LY6G6F: variants seen among roughly 807,000 people sequenced by gnomAD.
LY6G6F encodes lymphocyte antigen 6 complex locus protein G6f.
A neutral mutation model predicts 33.0 loss-of-function variants in LY6G6F; 26 were observed. That is an observed-to-expected ratio of 0.79 (90% confidence interval 0.58 to 1.09). The LOEUF (loss-of-function observed/expected upper bound fraction) is 1.09, where lower values mean the gene tolerates loss of function less well. Among genes scored for constraint, LY6G6F ranks in the 50% least tolerant of loss-of-function variants. LY6G6F has a pLI of 0.00. For missense variants in LY6G6F, 317 were observed against 372.0 expected (o/e 0.85, Z 1.22); for synonymous variants, 132 against 148.1 (o/e 0.89, Z 0.79).
At position 31,710,261 on chromosome 6, in the gene LY6G6F, C is replaced by G. The variant is rs1805937255; in HGVS notation, c.802+80C>G. On this transcript the variant is annotated intron_variant, in intron 4 of 5. Transcript: ENST00000375832. The surrounding 1 kb of genome is among the most constrained non-coding windows in gnomAD (Gnocchi z 4.7). ...GCTAGGCTCACACCCCGCCTCTGTA[C>G]CCCACCTCCTCTAGGGGAGGGGGCG... is the stretch of plus-strand genomic sequence containing the variant. 2 of 1,612,086 alleles carry G rather than the reference C, an allele frequency of 1.2e-6. No homozygotes were observed. The highest frequency in any genetic ancestry group is 1.3e-5 in the African/African-American group (1 of 74,888).
intron 3 of LY6G6F, among the ~76,000 whole-genome samples, chr6:31,708,926 C>CA (rs28383871): frequency 3.6e-4 from 54 of 149,876 alleles, no homozygotes; most frequent in East Asian, 3.1e-3. Flanking sequence ...AGCTCTATCT[C>CA]AAAAAAAAAA....
rs896446606 is a variant in LY6G6F, at chr6:31,708,210, C to T, written c.646+76C>T. On this transcript the variant is annotated intron_variant, in intron 3 of 5. Coordinates refer to ENST00000375832, the MANE Select transcript of LY6G6F (RefSeq NM_001003693.3). ...AAGTAGCTGGAATTACAGGCGCCCG[C>T]CACCATGCCTGGATAATTTTTTGTA... The T allele has an allele frequency of 2.7e-6, 4 of 1,483,886 alleles. No homozygotes were observed. In the African/African-American group the frequency reaches 5.6e-5, roughly 21 times the overall value. 91.9% of individuals were successfully genotyped at this position (1,483,886 alleles called of 1,614,324 possible).
chr6:31,707,373 A>C lies in LY6G6F; in HGVS notation c.53-85A>C. The C allele has an allele frequency of 7.8e-7, 1 of 1,286,942 alleles. No individual in the cohort carries two copies. The highest frequency in any genetic ancestry group is 2.4e-5 in the East Asian group (1 of 41,762). The allele number at this position is 1,286,942 out of a possible 1,614,324, so 79.7% of individuals were successfully genotyped here. ...CAGGCCTGTGCTGGGGGACCCCAGA[A>C]GGGAAGGAAGCCAGGGTTGAAGATC... On this transcript the variant is annotated intron_variant, in intron 1 of 5. Coordinates refer to ENST00000375832, the MANE Select transcript of LY6G6F (RefSeq NM_001003693.3). This position sits in a 1 kb window ranked among gnomAD's most constrained non-coding sequence, Gnocchi z 4.1.
chr6:31,707,071 C>A lies in LY6G6F; in HGVS notation c.52+113C>A. 8.7e-7 allele frequency: 1 copy of A among 1,143,464 alleles called. No homozygotes were observed. The highest frequency in any genetic ancestry group is 1.3e-6 in the Non-Finnish European group (1 of 763,084). The allele number at this position is 1,143,464 out of a possible 1,614,324, so 70.8% of individuals were successfully genotyped here. ...ATCTGACTCAAGAAGATAGAATTAC[C>A]CCAACCAACCTCCTCCTGCCTCTGA... On this transcript the variant is annotated intron_variant, in intron 1 of 5. Transcript: ENST00000375832. The surrounding 1 kb of genome is among the most constrained non-coding windows in gnomAD (Gnocchi z 4.1).
In LY6G6F at chr6:31,707,538, G is replaced by A. The variant is rs753249449; in HGVS notation, c.133G>A (p.Glu45Lys). 52 of 1,613,982 alleles carry A rather than the reference G, an allele frequency of 3.2e-5. No homozygotes were observed. Among genetic ancestry groups the A allele is most frequent in the South Asian group, 2.7e-4 (25 of 91,072 alleles). The change falls in exon 2 of 6, where the codon GAA (glutamate) becomes AAA (lysine). Residue 45 changes from glutamate (E) to lysine (K), a missense_variant. By Grantham distance (56) the Glu-to-Lys change is moderately conservative. Transcript: ENST00000375832. The surrounding 1 kb of genome is among the most constrained non-coding windows in gnomAD (Gnocchi z 4.1). Reference protein sequence around the residue: ...CPSPPTLHGDEHLSWFCSPAA... With the variant: ...CPSPPTLHGDKHLSWFCSPAA... The stretch of plus-strand genomic sequence containing the variant: ...CTCACCACCTACTCTACATGGGGAC[G>A]AACACCTGTCATGGTTCTGCAGCCC...
At position 31,707,069 on chromosome 6, in the gene LY6G6F, AC is replaced by A; in HGVS notation, c.52+115del. On this transcript the variant is annotated intron_variant, in intron 1 of 5. Transcript: ENST00000375832. The surrounding 1 kb of genome is among the most constrained non-coding windows in gnomAD (Gnocchi z 4.1). The stretch of plus-strand genomic sequence containing the variant: ...GCATCTGACTCAAGAAGATAGAATT[AC>A]CCCAACCAACCTCCTCCTGCCTCTG... 8.8e-7 allele frequency: 1 copy of A among 1,134,852 alleles called. No homozygotes were observed. Among genetic ancestry groups the A allele is most frequent in the Non-Finnish European group, 1.3e-6 (1 of 758,736 alleles). The allele number at this position is 1,134,852 out of a possible 1,614,324, so 70.3% of individuals were successfully genotyped here.
intron 3 of LY6G6F, among the ~76,000 whole-genome samples, chr6:31,709,229 G>A (rs917940629): frequency 7.3e-5 from 11 of 150,096 alleles, no homozygotes; most frequent in Admixed American, 1.3e-4. Context: ...CTGCCACCAC[G>A]CCTGGCTAAC....
At chr6:31,709,260 T>G (rs805289) in intron 3 of LY6G6F, among the ~76,000 whole-genome samples, 11,780 of 148,010 alleles carry the variant, frequency 0.08, 638 homozygotes, top group African/African-American at 0.15. Context: ...GTGTGTGTGT[T>G]TTTTTTTGTT....
rs1039595861 is a variant in LY6G6F, at chr6:31,707,089, G to A, written c.52+131G>A. On this transcript the variant is annotated intron_variant, in intron 1 of 5. Transcript: ENST00000375832. This position sits in a 1 kb window ranked among gnomAD's most constrained non-coding sequence, Gnocchi z 4.1. ...GAATTACCCCAACCAACCTCCTCCTGCCTCTGACACTAGGGAAGACCCAGA... is the reference window on the plus strand; with the variant it reads ...GAATTACCCCAACCAACCTCCTCCTACCTCTGACACTAGGGAAGACCCAGA... 1.0e-6 allele frequency: 1 copy of A among 960,940 alleles called. No individual in the cohort carries two copies. The highest frequency in any genetic ancestry group is 1.6e-5 in the African/African-American group (1 of 62,102). 59.5% of individuals were successfully genotyped at this position (960,940 alleles called of 1,614,324 possible).
intron 3 of LY6G6F, 125 bp downstream of exon 3, chr6:31,708,259 C>T (rs1805769661): frequency 8.2e-7 from 1 of 1,220,476 alleles, no homozygotes; most frequent in African/African-American, 1.5e-5. Flanking sequence ...CGAGATTTCA[C>T]CATTTTGGCC....
At position 31,707,360 on chromosome 6, in the gene LY6G6F, G is replaced by A; in HGVS notation, c.53-98G>A. The A allele has an allele frequency of 9.1e-7, 1 of 1,101,532 alleles. No homozygotes were observed. Among genetic ancestry groups the A allele is most frequent in the Admixed American group, 2.2e-5 (1 of 45,986 alleles). 68.2% of individuals were successfully genotyped at this position (1,101,532 alleles called of 1,614,324 possible). A position where few individuals can be genotyped will look rare whatever the true frequency, so the allele number is the denominator to read the frequency against. ...TGTGGTCACCAGCCAGGCCTGTGCTGGGGGACCCCAGAAGGGAAGGAAGCC... is the reference window on the plus strand; with the variant it reads ...TGTGGTCACCAGCCAGGCCTGTGCTAGGGGACCCCAGAAGGGAAGGAAGCC... On this transcript the variant is annotated intron_variant, in intron 1 of 5. Transcript: ENST00000375832. The surrounding 1 kb of genome is among the most constrained non-coding windows in gnomAD (Gnocchi z 4.1).
At position 31,707,420 on chromosome 6, in the gene LY6G6F, A is replaced by G; in HGVS notation, c.53-38A>G. ...GATCAAATGGGGGGTTATTGATCTG[A>G]TGGAGGTCTCTGGCCTCATACAACC... On this transcript the variant is annotated intron_variant, in intron 1 of 5. Transcript: ENST00000375832. This position sits in a 1 kb window ranked among gnomAD's most constrained non-coding sequence, Gnocchi z 4.1. 1 of 1,574,252 alleles carries G rather than the reference A, an allele frequency of 6.4e-7. No homozygotes were observed. Among genetic ancestry groups the G allele is most frequent in the Non-Finnish European group, 8.7e-7 (1 of 1,148,048 alleles).
At position 31,707,469 on chromosome 6, in the gene LY6G6F, G is replaced by A. The variant is rs142976076; in HGVS notation, c.64G>A (p.Ala22Thr). 68 of 1,613,766 alleles carry A rather than the reference G, an allele frequency of 4.2e-5. No homozygotes were observed. The highest frequency in any genetic ancestry group is 1.6e-4 in the Middle Eastern group (1 of 6,076). ...GTPQAADNMQ[A>T]IYVALGEAVE... ...CCCTCTTCCCACAGACAACATGCAG[G>A]CCATCTATGTGGCCTTGGGGGAGGC... Residue 22 changes from alanine to threonine, a missense_variant, in exon 2 of 6, where the codon GCC becomes ACC. Physicochemically the swap from Ala to Thr is moderately conservative, Grantham distance 58. Transcript: ENST00000375832. This position sits in a 1 kb window ranked among gnomAD's most constrained non-coding sequence, Gnocchi z 4.1.
rs1805931023 is a variant in LY6G6F at position 31,710,218 on chromosome 6, A to G, written c.802+37A>G. 2.5e-6 allele frequency: 4 copies of G among 1,607,834 alleles called. No individual in the cohort carries two copies. Among genetic ancestry groups the G allele is most frequent in the East Asian group, 2.2e-5 (1 of 44,810 alleles). On this transcript the variant is annotated intron_variant, in intron 4 of 5. Coordinates refer to ENST00000375832, the MANE Select transcript of LY6G6F (RefSeq NM_001003693.3). The surrounding 1 kb of genome is among the most constrained non-coding windows in gnomAD (Gnocchi z 4.7). Reference sequence around the variant, plus strand: ...CCTCCCCGGGGAAAGAAGAGGGCACATGGGTGGGAGGCAAAGGGCTAGGCT... The same window carrying G: ...CCTCCCCGGGGAAAGAAGAGGGCACGTGGGTGGGAGGCAAAGGGCTAGGCT...
At chr6:31,708,258 A>C in intron 3 of LY6G6F, 124 bp downstream of exon 3, 1 of 1,251,078 alleles carries the variant, frequency 8.0e-7, no homozygotes, top group Non-Finnish European at 1.1e-6. Context: ...ACGAGATTTC[A>C]CCATTTTGGC....
At position 31,709,958 on chromosome 6, in the gene LY6G6F, C is replaced by T. The variant is rs1805903366; in HGVS notation, c.647-68C>T. 7.3e-6 allele frequency: 11 copies of T among 1,510,448 alleles called. No individual in the cohort carries two copies. In the Admixed American group the frequency reaches 9.9e-5, roughly 14 times the overall value. The allele number at this position is 1,510,448 out of a possible 1,614,324, so 93.6% of individuals were successfully genotyped here. A position where few individuals can be genotyped will look rare whatever the true frequency, so the allele number is the denominator to read the frequency against. On this transcript the variant is annotated intron_variant, in intron 3 of 5. Transcript: ENST00000375832. ...ACCAGACTGTGGAGGGGAAGCCTCT[C>T]TTTGGGGCACAGGGACAGGGCCCCT...
chr6:31,710,060 T>G lies in LY6G6F; in HGVS notation c.681T>G (p.Pro227=). ...SIDASPALCA[P]STGWDMPWIL... is the part of the protein sequence containing the mutation. The stretch of plus-strand genomic sequence containing the variant: ...ATGCTTCTCCTGCCCTCTGTGCCCC[T>G]TCCACGGGCTGGGACATGCCTTGGA... Residue 227 remains proline (P), a synonymous_variant, in exon 4 of 6, where the codon CCT becomes CCG. Coordinates refer to ENST00000375832, the MANE Select transcript of LY6G6F (RefSeq NM_001003693.3). This position sits in a 1 kb window ranked among gnomAD's most constrained non-coding sequence, Gnocchi z 4.7. 6.2e-7 allele frequency: 1 copy of G among 1,613,006 alleles called. No homozygotes were observed. The highest frequency in any genetic ancestry group is 8.5e-7 in the Non-Finnish European group (1 of 1,179,978).
intron 3 of LY6G6F, 96 bp from the exon 4 acceptor site, chr6:31,709,930 C>A (rs1805900512): frequency 7.9e-7 from 1 of 1,260,666 alleles, no homozygotes; most frequent in Non-Finnish European, 1.1e-6. Flanking sequence ...GTTGGAAGAG[C>A]CCACCAGACT....
Position 31,710,033 on chromosome 6 carries a change from C to G in LY6G6F, c.654C>G (p.Ile218Met). 2 of 1,611,986 alleles carry G rather than the reference C, an allele frequency of 1.2e-6. No individual in the cohort carries two copies. Among genetic ancestry groups the G allele is most frequent in the Non-Finnish European group, 8.5e-7 (1 of 1,179,428 alleles). The change falls in exon 4 of 6, where the codon ATC becomes ATG. Residue 218 changes from isoleucine to methionine, a missense_variant. By Grantham distance (10) the Ile-to-Met change is conservative. Coordinates refer to ENST00000375832, the MANE Select transcript of LY6G6F (RefSeq NM_001003693.3). The surrounding 1 kb of genome is among the most constrained non-coding windows in gnomAD (Gnocchi z 4.7). ...GTCTGGCCCTTACTACAGCCTCCAT[C>G]GATGCTTCTCCTGCCCTCTGTGCCC... ...KGVSFSLAAS[I>M]DASPALCAPS...
Sources: gnomAD v4.1 joint callset for allele counts (sites outside exome capture counted in the v4.1 genomes callset) on GRCh38, gnomAD v4.1.1 for gene constraint, Gnocchi (gnomAD v3.1) non-coding constraint, MANE v1.5 for transcripts, NCBI Gene and HGNC (gene_info 2026-07-23, HGNC 2026-07-21) for gene names.